Variants in SESTD1 observed in about 807,000 individuals in gnomAD.
SESTD1 encodes the protein SEC14 domain and spectrin repeat-containing protein 1.
In SESTD1, 43 loss-of-function variants were observed where a neutral mutation model predicts 101.7. The ratio of observed to expected loss-of-function variants is 0.42; its 90% CI spans 0.33 to 0.55. The LOEUF (loss-of-function observed/expected upper bound fraction) is 0.55. SESTD1 is among the 20% of genes least tolerant of loss of function. The pLI, the probability that SESTD1 is intolerant of heterozygous loss-of-function variation, is 0.07. For synonymous variants in SESTD1, 283 were observed against 286.8 expected (o/e 0.99, Z 0.13); for missense variants, 647 against 815.1 (o/e 0.79, Z 2.51).
intron 1 of SESTD1, among the ~76,000 whole-genome samples, chr2:179,252,355 G>T (rs1478040989): frequency 1.3e-5 from 2 of 152,200 alleles, no homozygotes; most frequent in African/African-American, 4.8e-5. Flanking sequence ...CTGGTTAGCT[G>T]CCTGTCCTAC....
intron 1 of SESTD1, among the ~76,000 whole-genome samples, chr2:179,254,543 G>A (rs567172648): frequency 1.7e-4 from 26 of 152,260 alleles, no homozygotes; most frequent in Non-Finnish European, 3.4e-4. Flanking sequence ...AGGCACTAAC[G>A]CCATCACTAC....
chr2:179,179,188 T>A (rs969713511), intron 3 of SESTD1, among the ~76,000 whole-genome samples: 1 of 152,166 alleles, frequency 6.6e-6, no homozygotes, highest in African/African-American at 2.4e-5. Context: ...CATATTTAAT[T>A]TAGAAGCATG....
chr2:179,140,485 G>A (rs1038028167), intron 9 of SESTD1, among the ~76,000 whole-genome samples: 4 of 152,072 alleles, frequency 2.6e-5, no homozygotes, highest in East Asian at 1.9e-4. Context: ...ATTCCCTCAC[G>A]GCCCTCAAAG....
chr2:179,131,989 TCA>T (rs1203603443), intron 10 of SESTD1: 1 of 171,360 alleles, frequency 5.8e-6, no homozygotes. Flanking sequence ...GAAGTTTCTG[TCA>T]CAGAGACTAC....
chr2:179,132,254 T>C (rs755431176), intron 10 of SESTD1, 50 bp downstream of exon 10: 6 of 1,497,488 alleles, frequency 4.0e-6, no homozygotes, highest in Non-Finnish European at 5.3e-6. Flanking sequence ...TGCTACTAAT[T>C]ACCCACGTTC....
At chr2:179,194,164 A>C (rs1341499948) in intron 1 of SESTD1, among the ~76,000 whole-genome samples, 2 of 151,946 alleles carry the variant, frequency 1.3e-5, no homozygotes, top group Non-Finnish European at 2.9e-5. Flanking sequence ...ATTCAATTAC[A>C]CCTACTCCAT....
In SESTD1 at chr2:179,172,625, C is replaced by T. The variant is rs1326165623; in HGVS notation, c.256-392G>A. 4.6e-5 allele frequency among the ~76,000 whole-genome samples: 7 copies of T among 152,114 alleles called. No homozygotes were observed. In the East Asian group the frequency reaches 5.8e-4, roughly 13 times the overall value. On this transcript the variant is annotated intron_variant, in intron 4 of 17. Coordinates refer to ENST00000428443, the MANE Select transcript of SESTD1 (RefSeq NM_178123.5). Reference sequence around the variant, plus strand: ...CATCTTGGAGAATTTCTTCAAAAGACGTAAAATCAATTTTCTCACTAAAAT... The same window carrying T: ...CATCTTGGAGAATTTCTTCAAAAGATGTAAAATCAATTTTCTCACTAAAAT...
At chr2:179,208,416 T>C (rs1278001822) in intron 1 of SESTD1, among the ~76,000 whole-genome samples, 1 of 134,532 alleles carries the variant, frequency 7.4e-6, no homozygotes, top group East Asian at 2.0e-4. Flanking sequence ...CCTAGGCACA[T>C]AGTTTTCAGG....
intron 9 of SESTD1, among the ~76,000 whole-genome samples, chr2:179,141,879 C>T (rs1287173525): frequency 6.6e-6 from 1 of 151,252 alleles, no homozygotes; most frequent in Non-Finnish European, 1.5e-5. Flanking sequence ...GAATGAAGTC[C>T]ATGGAAAAAG....
At chr2:179,171,065 CAG>C (rs1197414538) in intron 5 of SESTD1, among the ~76,000 whole-genome samples, 11 of 152,110 alleles carry the variant, frequency 7.2e-5, no homozygotes. Flanking sequence ...TACCACCAGT[CAG>C]GGGCTAGAAA....
intron 5 of SESTD1, among the ~76,000 whole-genome samples, chr2:179,164,421 CT>C (rs2045798345): frequency 6.6e-6 from 1 of 152,084 alleles, no homozygotes. Context: ...GTGGAGATCC[CT>C]TTGATAATTA....
chr2:179,241,719 G>A (rs1294744363), intron 1 of SESTD1, among the ~76,000 whole-genome samples: 17 of 152,154 alleles, frequency 1.1e-4, no homozygotes, highest in Non-Finnish European at 2.4e-4. Flanking sequence ...TCAGGAGATC[G>A]AGACCATCCT....
rs1032223481 is a variant in SESTD1 at position 179,212,942 on chromosome 2, T to C, written c.-25-21076A>G. Among the ~76,000 whole-genome samples, 2 of 134,592 alleles carry C rather than the reference T, an allele frequency of 1.5e-5. 1 individual carries two copies. Among genetic ancestry groups the C allele is most frequent in the Non-Finnish European group, 3.2e-5 (2 of 62,588 alleles). 88.3% of individuals were successfully genotyped at this position (134,592 alleles called of 152,430 possible). On this transcript the variant is annotated intron_variant, in intron 1 of 17. Coordinates refer to ENST00000428443, the MANE Select transcript of SESTD1 (RefSeq NM_178123.5). ...AGGAAAACTAACAAACAGAAAGGAA[T>C]AGCATCAACATCAACAAAAAGGACA... is the stretch of plus-strand genomic sequence containing the variant.
At chr2:179,165,706 C>T (rs1397266402) in intron 5 of SESTD1, among the ~76,000 whole-genome samples, 1 of 152,188 alleles carries the variant, frequency 6.6e-6, no homozygotes, top group Non-Finnish European at 1.5e-5. Context: ...CAATCAACTA[C>T]CAGGGCAACA....
intron 1 of SESTD1, among the ~76,000 whole-genome samples, chr2:179,250,764 A>G (rs1266686176): frequency 1.1e-4 from 17 of 152,220 alleles, no homozygotes; most frequent in African/African-American, 4.1e-4. Context: ...AGCTTCACAC[A>G]ACCTATGAAA....
chr2:179,185,569 A>G lies in SESTD1; in HGVS notation c.56-2381T>C, dbSNP rs1043150735. The stretch of plus-strand genomic sequence containing the variant: ...ATATGTACATATGTTATATATGTAT[A>G]TAATATACTATATTATATATTGTAT... On this transcript the variant is annotated intron_variant, in intron 2 of 17. Coordinates refer to ENST00000428443, the MANE Select transcript of SESTD1 (RefSeq NM_178123.5). Among the ~76,000 whole-genome samples the G allele has an allele frequency of 3.0e-5, 4 of 132,556 alleles. No individual in the cohort carries two copies. In the South Asian group the frequency reaches 6.7e-4, roughly 22 times the overall value. 87.0% of individuals were successfully genotyped at this position (132,556 alleles called of 152,430 possible).
intron 10 of SESTD1, among the ~76,000 whole-genome samples, chr2:179,129,686 G>A (rs1463582794): frequency 6.6e-6 from 1 of 152,102 alleles, no homozygotes; most frequent in Non-Finnish European, 1.5e-5. Context: ...CACAAGACTT[G>A]AACAATTCCA....
At chr2:179,121,727 T>G (rs762333992) in intron 13 of SESTD1, 43 bp downstream of exon 13, 6 of 1,479,678 alleles carry the variant, frequency 4.1e-6, no homozygotes, top group Non-Finnish European at 5.4e-6. Context: ...TTAACTAATA[T>G]TGTTATTATT....
intron 8 of SESTD1, among the ~76,000 whole-genome samples, chr2:179,145,974 A>G (rs1227642170): frequency 6.6e-6 from 1 of 152,130 alleles, no homozygotes; most frequent in Non-Finnish European, 1.5e-5. Flanking sequence ...GATTATTATT[A>G]ATTTTTAAAA....
Sources: gnomAD v4.1 joint callset for allele counts (sites outside exome capture counted in the v4.1 genomes callset) on GRCh38, gnomAD v4.1.1 for gene constraint, MANE v1.5 for transcripts, NCBI Gene and HGNC (gene_info 2026-07-23, HGNC 2026-07-21) for gene names.